Variants in POGZ observed in about 807,000 individuals in gnomAD.
POGZ encodes the protein pogo transposable element derived with ZNF domain.
POGZ carries 17 observed loss-of-function variants against 134.6 expected under a neutral mutation model. The ratio of observed to expected loss-of-function variants is 0.13; its 90% CI spans 0.09 to 0.19. The LOEUF is 0.19. Among genes scored for constraint, POGZ ranks in the 10% least tolerant of loss-of-function variants. The pLI, the probability that POGZ is intolerant of heterozygous loss-of-function variation, is 1.00. For missense variants in POGZ, 1,306 were observed against 1,769.7 expected, an observed-to-expected ratio of 0.74 and a Z score of 4.70; for synonymous variants, 693 against 657.1, an observed-to-expected ratio of 1.05 and a Z score of -0.84.
At chr1:151,425,927 C>G (rs1272460842) in intron 7 of POGZ, among the ~76,000 whole-genome samples, 1 of 152,152 alleles carries the variant, frequency 6.6e-6, no homozygotes, top group Admixed American at 6.5e-5. Flanking sequence ...GAGGAACCAC[C>G]ATACTGTTTC....
chr1:151,412,941 AC>A (rs1255099859), intron 10 of POGZ, among the ~76,000 whole-genome samples: 1 of 152,054 alleles, frequency 6.6e-6, no homozygotes. Context: ...AAAAATTTTG[AC>A]AAAATTTTAT....
chr1:151,437,200 G>A (rs1406424332), intron 3 of POGZ, among the ~76,000 whole-genome samples: 5 of 143,642 alleles, frequency 3.5e-5, no homozygotes, highest in Admixed American at 7.0e-5. Context: ...TGCAGACTCC[G>A]TCTCAAAAAA....
chr1:151,426,531 T>C (rs1164565737), intron 7 of POGZ: 1 of 152,152 alleles, frequency 6.6e-6, no homozygotes, highest in Non-Finnish European at 1.5e-5. Context: ...AGTTTTTTTG[T>C]TGTTGAACTG....
In POGZ at chr1:151,428,256, T is replaced by C; in HGVS notation, c.726A>G (p.Pro242=). Residue 242 remains proline (P), a synonymous_variant, in exon 6 of 19, where the codon CCA becomes CCG. Transcript: ENST00000271715. ...PATLTIRSTV[P]QSQSQQTKST... is the part of the protein sequence containing the mutation. ...ACTTGGTCTGCTGGGACTGGGACTG[T>C]GGGACGGTGCTTCGAATGGTAAGAG... The C allele has an allele frequency of 6.2e-7, 1 of 1,614,130 alleles. No homozygotes were observed. Among genetic ancestry groups the C allele is most frequent in the South Asian group, 1.1e-5 (1 of 91,092 alleles).
In POGZ at chr1:151,404,067, G is replaced by A. The variant is rs371665201; in HGVS notation, c.*735C>T. The A allele has an allele frequency of 3.0e-5, 30 of 985,426 alleles. No homozygotes were observed. In the South Asian group the frequency reaches 8.0e-4, roughly 26 times the overall value. 61.0% of individuals were successfully genotyped at this position (985,426 alleles called of 1,614,324 possible). The stretch of plus-strand genomic sequence containing the variant: ...TCATGTTTTGGAGGGAAGGTGGTGA[G>A]GAAAAGACAAATCTATTCATTCTGG... On this transcript the variant is annotated 3_prime_UTR_variant, in exon 19 of 19. Transcript: ENST00000271715.
intron 3 of POGZ, among the ~76,000 whole-genome samples, chr1:151,437,563 C>A (rs1256474597): frequency 2.0e-5 from 3 of 151,286 alleles, no homozygotes; most frequent in Non-Finnish European, 4.4e-5. Flanking sequence ...ACCAGCCTGG[C>A]CAACATGGTG....
In POGZ at chr1:151,404,718, T is replaced by A. The variant is rs759920419; in HGVS notation, c.*84A>T. The A allele has an allele frequency of 6.6e-5, 98 of 1,481,710 alleles. No individual in the cohort carries two copies. Among genetic ancestry groups the A allele is most frequent in the Admixed American group, 1.5e-4 (6 of 40,170 alleles). 91.8% of individuals were successfully genotyped at this position (1,481,710 alleles called of 1,614,324 possible). Reference sequence around the variant, plus strand: ...AAAAATAGAAACCAAATACCCCACCTGGTATGCCCCCTTTTCCCTAAGCCC... The same window carrying A: ...AAAAATAGAAACCAAATACCCCACCAGGTATGCCCCCTTTTCCCTAAGCCC... On this transcript the variant is annotated 3_prime_UTR_variant, in exon 19 of 19. Transcript: ENST00000271715.
At chr1:151,430,297 TTA>T (rs1363344031) in intron 4 of POGZ, among the ~76,000 whole-genome samples, 2 of 152,126 alleles carry the variant, frequency 1.3e-5, no homozygotes, top group African/African-American at 4.8e-5. Context: ...ACTCCACCAA[TTA>T]CATACATACA....
intron 7 of POGZ, among the ~76,000 whole-genome samples, chr1:151,425,730 TACC>T (rs1199275583): frequency 1.3e-5 from 2 of 152,348 alleles, no homozygotes; most frequent in Admixed American, 6.5e-5. Context: ...TGTATGTGAA[TACC>T]ACATTTTATT....
intron 1 of POGZ, among the ~76,000 whole-genome samples, chr1:151,447,440 G>C (rs1661432002): frequency 6.6e-6 from 1 of 151,584 alleles, no homozygotes; most frequent in Non-Finnish European, 1.5e-5. Flanking sequence ...CAAATATCTA[G>C]TCATTATCCC....
At chr1:151,415,028 T>C (rs999683864) in intron 10 of POGZ, among the ~76,000 whole-genome samples, 4 of 152,286 alleles carry the variant, frequency 2.6e-5, no homozygotes, top group African/African-American at 9.6e-5. Context: ...TTTGAGGAAA[T>C]AGGCATGAAC....
At position 151,406,249 on chromosome 1, in the gene POGZ, A is replaced by G. The variant is rs1385157302; in HGVS notation, c.2786T>C (p.Leu929Pro). The G allele has an allele frequency of 1.2e-6, 2 of 1,613,920 alleles. No individual in the cohort carries two copies. The highest frequency in any genetic ancestry group is 2.7e-5 in the African/African-American group (2 of 74,882). The part of the protein sequence containing the change: ...PTPTHPQALA[L>P]PPLATEGAEC... ...GGCTCCCTCTGTAGCCAGCGGTGGA[A>G]GGGCTAAAGCCTGCGGGTGAGTGGG... Residue 929 changes from leucine to proline, a missense_variant, in exon 19 of 19, where the codon CTT (leucine) becomes CCT (proline). Around this residue, in one of 10 missense-constraint regions of POGZ, gnomAD observed 214 missense variants for 255.5 expected, o/e 0.84. Coordinates refer to ENST00000271715, the MANE Select transcript of POGZ (RefSeq NM_015100.4).
At chr1:151,440,076 CAT>C (rs1424739915) in intron 3 of POGZ, among the ~76,000 whole-genome samples, 1 of 151,878 alleles carries the variant, frequency 6.6e-6, no homozygotes, top group African/African-American at 2.4e-5. Context: ...AAAATCACCA[CAT>C]ATAACATATA....
rs1417016555 is a variant in POGZ, at chr1:151,424,089, G to C, written c.1383C>G (p.Val461=). 2 of 1,614,166 alleles carry C rather than the reference G, an allele frequency of 1.2e-6. No individual in the cohort carries two copies. Among genetic ancestry groups the C allele is most frequent in the Admixed American group, 1.7e-5 (1 of 60,022 alleles). ...PEPNENVGDA[V]QTKLIMLVDD... is the part of the protein sequence containing the mutation. ...CTACAAGCATAATGAGTTTGGTCTGGACGGCATCGCCCACGTTCTCATTTG... is the reference window on the plus strand; with the variant it reads ...CTACAAGCATAATGAGTTTGGTCTGCACGGCATCGCCCACGTTCTCATTTG... The change falls in exon 9 of 19, where the codon GTC becomes GTG. Residue 461 remains valine (V), a synonymous_variant. Transcript: ENST00000271715.
chr1:151,419,691 A>AC (rs1460775396), intron 10 of POGZ, among the ~76,000 whole-genome samples: 2 of 150,426 alleles, frequency 1.3e-5, no homozygotes, highest in African/African-American at 4.9e-5. Flanking sequence ...AAAAAAAAAA[A>AC]AAAACTACTT....
intron 12 of POGZ, among the ~76,000 whole-genome samples, chr1:151,409,379 C>T (rs963239435): frequency 8.1e-6 from 1 of 123,842 alleles, no homozygotes; most frequent in Non-Finnish European, 1.9e-5. Flanking sequence ...TTACCTGCCT[C>T]GCCCCCTTTT....
chr1:151,417,511 C>T (rs887147091), intron 10 of POGZ, among the ~76,000 whole-genome samples: 1 of 152,000 alleles, frequency 6.6e-6, no homozygotes, highest in Admixed American at 6.6e-5. Context: ...CAAGTGTGCA[C>T]CACCATGCCC....
rs776740035 is a variant in POGZ at position 151,404,833 on chromosome 1, T to A, written c.4202A>T (p.Glu1401Val). The change falls in exon 19 of 19, where the codon GAA (glutamate) becomes GTA (valine). Residue 1401 changes from glutamate to valine, a missense_variant. This residue lies in a region of POGZ where 107 missense variants were observed against 97.9 expected (regional missense o/e 1.09). Coordinates refer to ENST00000271715, the MANE Select transcript of POGZ (RefSeq NM_015100.4). ...ESETESFYGF[E>V]EADLDLMEI is the part of the protein sequence containing the mutation. The stretch of plus-strand genomic sequence containing the variant: ...CTCCATCAGATCTAGGTCAGCTTCT[T>A]CAAAGCCATAGAAAGACTCGGTCTC... 6.8e-6 allele frequency: 11 copies of A among 1,612,478 alleles called. No homozygotes were observed. Among genetic ancestry groups the A allele is most frequent in the Admixed American group, 1.7e-5 (1 of 59,874 alleles).
rs774421041 is a variant in POGZ at position 151,404,417 on chromosome 1, C to CT, written c.*384dup. The CT allele has an allele frequency of 4.5e-5, 45 of 997,816 alleles. No homozygotes were observed. The highest frequency in any genetic ancestry group is 5.1e-4 in the Middle Eastern group (1 of 1,954). The allele number at this position is 997,816 out of a possible 1,614,324, so 61.8% of individuals were successfully genotyped here. A position where few individuals can be genotyped will look rare whatever the true frequency, so the allele number is the denominator to read the frequency against. On this transcript the variant is annotated 3_prime_UTR_variant, in exon 19 of 19. Coordinates refer to ENST00000271715, the MANE Select transcript of POGZ (RefSeq NM_015100.4). ...ATAAAACAAACAAAAAAACCCAGTA[C>CT]TATGATACAATTGAGGTAAAAGGGG...
Sources: gnomAD v4.1 joint callset for allele counts (sites outside exome capture counted in the v4.1 genomes callset) on GRCh38, gnomAD v4.1.1 for gene constraint, gnomAD v4.1.1 regional missense constraint, MANE v1.5 for transcripts, NCBI Gene and HGNC (gene_info 2026-07-23, HGNC 2026-07-21) for gene names.